PLOD1: variants seen among roughly 807,000 people sequenced by gnomAD.
The protein encoded by PLOD1 is lysine hydroxylase.
A neutral mutation model predicts 94.7 loss-of-function variants in PLOD1; 70 were observed. The ratio of observed to expected loss-of-function variants is 0.74; its 90% CI spans 0.61 to 0.90. The LOEUF (loss-of-function observed/expected upper bound fraction) is 0.90, where lower values mean the gene tolerates loss of function less well. Among genes scored for constraint, PLOD1 ranks in the 40% least tolerant of loss-of-function variants. The pLI is 0.00. For missense variants in PLOD1, 905 were observed against 972.7 expected (o/e 0.93, Z 0.93); for synonymous variants, 417 against 400.2 (o/e 1.04, Z -0.50).
chr1:11,937,200 C>T (rs1477638136), intron 1 of PLOD1, among the ~76,000 whole-genome samples: 1 of 152,194 alleles, frequency 6.6e-6, no homozygotes, highest in African/African-American at 2.4e-5. Flanking sequence ...GCCCAAGGCC[C>T]CACGTCTCCC....
chr1:11,965,110 C>G (rs1055216583), intron 13 of PLOD1, among the ~76,000 whole-genome samples: 9 of 151,634 alleles, frequency 5.9e-5, no homozygotes, highest in Admixed American at 5.9e-4. Flanking sequence ...CGAGAGACAC[C>G]TCACCCTGTC....
chr1:11,947,957 T>C lies in PLOD1; in HGVS notation c.77-19T>C, dbSNP rs775036250. On this transcript the variant is annotated intron_variant, in intron 1 of 18. Coordinates refer to ENST00000196061, the MANE Select transcript of PLOD1 (RefSeq NM_000302.4). ...CCTCATCCTCCATTCCCATTCACCA[T>C]ACCCTCCTCTGTCTGCAGACAACCT... 1 of 1,531,834 alleles carries C rather than the reference T, an allele frequency of 6.5e-7. No homozygotes were observed. Among genetic ancestry groups the C allele is most frequent in the South Asian group, 1.1e-5 (1 of 89,468 alleles). 94.9% of individuals were successfully genotyped at this position (1,531,834 alleles called of 1,614,324 possible).
intron 10 of PLOD1, among the ~76,000 whole-genome samples, chr1:11,962,274 C>CTTTTTTTTTTTTTTTTTTTTTTTTT (rs780613164): frequency 2.0e-5 from 2 of 99,088 alleles, no homozygotes; most frequent in African/African-American, 4.2e-5. Context: ...TTTTTGTTTT[C>CTTTTTTTTTTTTTTTTTTTTTTTTT]TTTTTTTTTT....
At chr1:11,951,248 A>G (rs1025175462) in intron 4 of PLOD1, among the ~76,000 whole-genome samples, 4 of 152,086 alleles carry the variant, frequency 2.6e-5, no homozygotes, top group African/African-American at 9.7e-5. Flanking sequence ...TTCTCCATCC[A>G]GCAGCCAGAG....
intron 4 of PLOD1, among the ~76,000 whole-genome samples, chr1:11,951,208 C>G (rs897064106): frequency 6.6e-6 from 1 of 152,230 alleles, no homozygotes; most frequent in Admixed American, 6.5e-5. Flanking sequence ...ACTGCTCTGC[C>G]ATTCCCTACC....
At chr1:11,950,039 C>G in intron 3 of PLOD1, 133 bp downstream of exon 3, 1 of 954,146 alleles carries the variant, frequency 1.0e-6, no homozygotes, top group Non-Finnish European at 1.7e-6. Context: ...TTAGGGTGTC[C>G]ATTCCCGGTC....
intron 16 of PLOD1, among the ~76,000 whole-genome samples, chr1:11,968,631 A>G (rs1286066284): frequency 1.3e-5 from 2 of 148,892 alleles, no homozygotes; most frequent in Non-Finnish European, 3.0e-5. Context: ...CTCTTGCCTC[A>G]GCCTCCCGAG....
At chr1:11,964,069 C>A in intron 11 of PLOD1, 106 bp from the exon 12 acceptor site, 2 of 1,153,428 alleles carry the variant, frequency 1.7e-6, no homozygotes, top group Non-Finnish European at 1.3e-6. Context: ...GCTTGGGGAT[C>A]CCTGCGTGCA....
chr1:11,944,753 C>A (rs903455845), intron 1 of PLOD1: 7 of 975,948 alleles, frequency 7.2e-6, no homozygotes, highest in Non-Finnish European at 9.5e-6. Context: ...CCCTGCTGGG[C>A]CGCCTGGCGC....
At chr1:11,938,830 C>T (rs1645597126) in intron 1 of PLOD1, among the ~76,000 whole-genome samples, 1 of 152,028 alleles carries the variant, frequency 6.6e-6, no homozygotes, top group South Asian at 2.1e-4. Context: ...GAGGGGGGTA[C>T]AGAGCACCTC....
chr1:11,952,548 G>A lies in PLOD1; in HGVS notation c.467-75G>A, dbSNP rs930243189. 10 of 1,000,734 alleles carry A rather than the reference G, an allele frequency of 1.0e-5. No homozygotes were observed. The African/African-American group carries it at 1.4e-4, about 14-fold the overall frequency. The allele number at this position is 1,000,734 out of a possible 1,614,324, so 62.0% of individuals were successfully genotyped here. On this transcript the variant is annotated intron_variant, in intron 4 of 18. Transcript: ENST00000196061. ...ATGAGTGGAGGTGGATAAGAGGGAA[G>A]GGTGGGAGGAGGCCCCTGACTTAGA...
Position 11,957,923 on chromosome 1 carries a change from C to T in PLOD1, c.823C>T (p.Arg275Cys), listed in dbSNP as rs775565324. Residue 275 changes from arginine (R) to cysteine (C), a missense_variant, in exon 8 of 19, where the codon CGC becomes TGC. Transcript: ENST00000196061. The surrounding 1 kb of genome is among the most constrained non-coding windows in gnomAD (Gnocchi z 4.1). ...TGCTVCDEGLRSLKGIGDEAL... is the reference protein window; with the variant it reads ...TGCTVCDEGLCSLKGIGDEAL... ...CTGCACCGTGTGTGACGAAGGCTTG[C>T]GCAGCCTCAAGGGCATTGGGGTGAG... The T allele has an allele frequency of 1.3e-5, 21 of 1,612,920 alleles. No homozygotes were observed. Among genetic ancestry groups the T allele is most frequent in the African/African-American group, 4.0e-5 (3 of 74,884 alleles).
Position 11,957,378 on chromosome 1 carries a change from G to A in PLOD1, c.741+364G>A, listed in dbSNP as rs1025458720. Among the ~76,000 whole-genome samples, 2 of 152,160 alleles carry A rather than the reference G, an allele frequency of 1.3e-5. No homozygotes were observed. The highest frequency in any genetic ancestry group is 4.8e-5 in the African/African-American group (2 of 41,426). ...AGTAAGACATAGTCATAAGCAGGACGGATGTCCTGCATTCATGGTGACAGA... is the reference window on the plus strand; with the variant it reads ...AGTAAGACATAGTCATAAGCAGGACAGATGTCCTGCATTCATGGTGACAGA... On this transcript the variant is annotated intron_variant, in intron 7 of 18. Transcript: ENST00000196061. This position sits in a 1 kb window ranked among gnomAD's most constrained non-coding sequence, Gnocchi z 4.1.
rs957684964 is a variant in PLOD1, at chr1:11,974,877, C to G, written c.*69C>G. The G allele has an allele frequency of 6.5e-7, 1 of 1,530,470 alleles. No homozygotes were observed. Among genetic ancestry groups the G allele is most frequent in the Non-Finnish European group, 9.1e-7 (1 of 1,103,976 alleles). The allele number at this position is 1,530,470 out of a possible 1,614,324, so 94.8% of individuals were successfully genotyped here. ...ACCACTGCCCAGCAGCCTCTGGGAC[C>G]TCGGGGTCCCAGGGAACCCAGTCCA... is the stretch of plus-strand genomic sequence containing the variant. On this transcript the variant is annotated 3_prime_UTR_variant, in exon 19 of 19. Transcript: ENST00000196061.
At chr1:11,970,892 G>A in intron 17 of PLOD1, 76 bp downstream of exon 17, 1 of 1,453,898 alleles carries the variant, frequency 6.9e-7, no homozygotes, top group East Asian at 2.4e-5. Flanking sequence ...GGACTGGTGG[G>A]GGTAGGGTGG....
At chr1:11,965,962 C>T (rs888254052) in intron 14 of PLOD1, among the ~76,000 whole-genome samples, 3 of 152,148 alleles carry the variant, frequency 2.0e-5, no homozygotes, top group Admixed American at 2.0e-4. Flanking sequence ...GAAGGGGAGA[C>T]AGTTGTAACT....
intron 10 of PLOD1, among the ~76,000 whole-genome samples, chr1:11,961,970 G>A (rs1318348192): frequency 6.6e-6 from 1 of 152,134 alleles, no homozygotes; most frequent in Non-Finnish European, 1.5e-5. Flanking sequence ...TGTATTTTTA[G>A]TAGAGACGAG....
intron 18 of PLOD1, among the ~76,000 whole-genome samples, chr1:11,973,989 A>C (rs980295670): frequency 1.3e-5 from 2 of 152,156 alleles, no homozygotes; most frequent in African/African-American, 4.8e-5. Flanking sequence ...CTTCCACAGC[A>C]AAGTGTCTAT....
chr1:11,937,975 CAG>C (rs1645591399), intron 1 of PLOD1, among the ~76,000 whole-genome samples: 1 of 134,588 alleles, frequency 7.4e-6, no homozygotes, highest in South Asian at 2.4e-4. Context: ...TTCTTTGAGA[CAG>C]AGTCTCGCTT....
Sources: allele counts gnomAD v4.1 joint callset (sites outside exome capture counted in the v4.1 genomes callset), GRCh38; gene constraint gnomAD v4.1.1; non-coding constraint Gnocchi (gnomAD v3.1); transcripts MANE v1.5; gene names NCBI Gene and HGNC (gene_info 2026-07-23, HGNC 2026-07-21).